The following DMD variants were observed in gnomAD, a reference collection of about 807,000 sequenced individuals.
DMD encodes mutant dystrophin.
In DMD, 63 loss-of-function variants were observed where a neutral mutation model predicts 330.1. The observed-to-expected ratio is 0.19, with a 90% confidence interval of 0.16 to 0.24. The LOEUF is 0.24. Among genes scored for constraint, DMD ranks in the 10% least tolerant of loss-of-function variants. The pLI, the probability that DMD is intolerant of heterozygous loss-of-function variation, is 1.00. For synonymous variants in DMD, 1,223 were observed against 959.8 expected, an observed-to-expected ratio of 1.27 and a Z score of -5.07; for missense variants, 3,344 against 2,684.1, an observed-to-expected ratio of 1.25 and a Z score of -5.43.
intron 60 of DMD, among the ~76,000 whole-genome samples, chrX:31,351,656 G>A (rs146297805): frequency 3.1e-3 from 322 of 102,496 alleles, no homozygotes; most frequent in African/African-American, 0.011. Context: ...AATCTGAGAG[G>A]TGGAGGTTGC....
At chrX:33,040,294 CTGAAGGAAAGATACTA>C (rs1430736157) in intron 1 of DMD, among the ~76,000 whole-genome samples, 1 of 95,707 alleles carries the variant, frequency 1.0e-5, no homozygotes, top group Non-Finnish European at 2.4e-5. Context: ...AGATACTAAA[CTGAAGGAAAGATACTA>C]AACTCTACCA....
chrX:31,779,335 A>C (rs1055823486), intron 50 of DMD, among the ~76,000 whole-genome samples: 4 of 111,082 alleles, frequency 3.6e-5, no homozygotes, highest in Admixed American at 1.9e-4. Context: ...ACCCTATTTA[A>C]TCTTAACCCC....
chrX:32,214,614 A>C (rs960038275), intron 44 of DMD, among the ~76,000 whole-genome samples: 6 of 111,595 alleles, frequency 5.4e-5, no homozygotes, highest in Non-Finnish European at 1.1e-4. Context: ...CATTCACAGG[A>C]CATCAGAGAG....
intron 43 of DMD, among the ~76,000 whole-genome samples, chrX:32,239,226 A>G (rs1283938158): frequency 9.0e-6 from 1 of 111,717 alleles, no homozygotes; most frequent in Non-Finnish European, 1.9e-5. Context: ...ACACTTACCT[A>G]GAATGATCTT....
intron 2 of DMD, among the ~76,000 whole-genome samples, chrX:32,935,770 C>T (rs1037918903): frequency 9.0e-6 from 1 of 111,277 alleles, no homozygotes; most frequent in Admixed American, 9.6e-5. Context: ...CTTAGACAAC[C>T]GGTAATACTA....
chrX:33,277,446 A>C (rs1488916471), intron 1 of DMD, among the ~76,000 whole-genome samples: 1 of 111,384 alleles, frequency 9.0e-6, no homozygotes, highest in Non-Finnish European at 1.9e-5. Flanking sequence ...AATTTAAAAA[A>C]TGCAACCTCA....
In DMD at chrX:31,410,944, T is replaced by C. The variant is rs376257757; in HGVS notation, c.9084+33537A>G. ...GTGTTTTTTTTTTTTTTTTTTTTTT[T>C]CAGTAGAGACAGGGTGTCACCATGT... On this transcript the variant is annotated intron_variant, in intron 60 of 78. Transcript: ENST00000357033. Among the ~76,000 whole-genome samples, 321 of 98,185 alleles carry C rather than the reference T, an allele frequency of 3.3e-3. 1 individual carries two copies. Among genetic ancestry groups the C allele is most frequent in the African/African-American group, 0.012 (304 of 25,615 alleles). The allele number at this position is 98,185 out of a possible 115,157, so 85.3% of individuals were successfully genotyped here. A position where few individuals can be genotyped will look rare whatever the true frequency, so the allele number is the denominator to read the frequency against.
chrX:32,343,403 ATCATATTTAAAT>A, intron 39 of DMD, 117 bp from the exon 40 acceptor site: 1 of 695,708 alleles, frequency 1.4e-6, no homozygotes, highest in African/African-American at 2.2e-5. Flanking sequence ...TTAGGTTAAA[ATCATATTTAAAT>A]GCAAAATATA....
intron 16 of DMD, among the ~76,000 whole-genome samples, chrX:32,553,700 A>T (rs2049848685): frequency 8.9e-6 from 1 of 111,945 alleles, no homozygotes; most frequent in Admixed American, 9.5e-5. Flanking sequence ...TTTAATTTTA[A>T]ATTCATTTTG....
At chrX:32,235,040 G>A (rs1018411750) in intron 43 of DMD, among the ~76,000 whole-genome samples, 1 of 111,576 alleles carries the variant, frequency 9.0e-6, no homozygotes, top group Admixed American at 9.5e-5. Context: ...TCCGTGGACC[G>A]GGTTGGAGGA....
chrX:32,252,707 A>AATAT (rs1328013656), intron 43 of DMD, among the ~76,000 whole-genome samples: 220 of 18,272 alleles, frequency 0.012, 9 homozygotes, highest in African/African-American at 0.033. Flanking sequence ...AATATATATA[A>AATAT]ATATATAAAT....
chrX:32,305,767 C>A (rs964506541), intron 42 of DMD, among the ~76,000 whole-genome samples: 2 of 111,279 alleles, frequency 1.8e-5, no homozygotes, highest in African/African-American at 6.5e-5. Flanking sequence ...AATCTGGACA[C>A]TCACAACTCC....
At chrX:32,777,878 C>G (rs1295482673) in intron 7 of DMD, among the ~76,000 whole-genome samples, 2 of 112,281 alleles carry the variant, frequency 1.8e-5, no homozygotes, top group Non-Finnish European at 3.8e-5. Context: ...CATCGCTGCT[C>G]AATTTTGGAT....
rs775915413 is a variant in DMD, at chrX:32,545,449, C to G, written c.1993-115G>C. 3.2e-5 allele frequency: 24 copies of G among 756,929 alleles called. No individual in the cohort carries two copies. In the Admixed American group the frequency reaches 4.5e-4, roughly 14 times the overall value. The allele number at this position is 756,929 out of a possible 1,213,427, so 62.4% of individuals were successfully genotyped here. Reference sequence around the variant, plus strand: ...TGTTCTTGCTTGTTGGTAGATTGACCTTCAGATCAAAATAGCACCATATTG... The same window carrying G: ...TGTTCTTGCTTGTTGGTAGATTGACGTTCAGATCAAAATAGCACCATATTG... On this transcript the variant is annotated intron_variant, in intron 16 of 78. Coordinates refer to ENST00000357033, the MANE Select transcript of DMD (RefSeq NM_004006.3).
At chrX:32,383,705 C>G (rs2097940032) in intron 33 of DMD, among the ~76,000 whole-genome samples, 1 of 110,306 alleles carries the variant, frequency 9.1e-6, no homozygotes, top group Non-Finnish European at 1.9e-5. Flanking sequence ...TACTATGTGG[C>G]AAATGGTTAG....
intron 52 of DMD, among the ~76,000 whole-genome samples, chrX:31,679,999 T>C (rs926087229): frequency 8.9e-6 from 1 of 112,318 alleles, no homozygotes; most frequent in African/African-American, 3.2e-5. Context: ...TTGCCATCCA[T>C]GTGACAGGCT....
At chrX:32,256,527 G>A (rs1413675778) in intron 43 of DMD, among the ~76,000 whole-genome samples, 18 of 110,080 alleles carry the variant, frequency 1.6e-4, no homozygotes, top group Non-Finnish European at 9.5e-5. Flanking sequence ...AGTTAATATT[G>A]TCATGTGTGA....
intron 1 of DMD, among the ~76,000 whole-genome samples, chrX:33,077,322 G>T (rs1204772100): frequency 1.8e-5 from 2 of 111,726 alleles, no homozygotes; most frequent in Admixed American, 9.5e-5. Flanking sequence ...CTATGCCCAG[G>T]AATGAACGAA....
chrX:33,144,788 C>A (rs1569556387), intron 1 of DMD, among the ~76,000 whole-genome samples: 1 of 111,512 alleles, frequency 9.0e-6, no homozygotes, highest in East Asian at 2.8e-4. Flanking sequence ...CCTTTGCATA[C>A]CTTACTCCAC....
Sources: allele counts gnomAD v4.1 joint callset (sites outside exome capture counted in the v4.1 genomes callset), GRCh38; gene constraint gnomAD v4.1.1; transcripts MANE v1.5; gene names NCBI Gene and HGNC (gene_info 2026-07-23, HGNC 2026-07-21).